BUB1B: variants seen among roughly 807,000 people sequenced by gnomAD.
BUB1B encodes BUB1 mitotic checkpoint serine/threonine kinase B, also known as mitotic checkpoint serine/threonine-protein kinase BUB1 beta.
In BUB1B, 86 loss-of-function variants were observed where a neutral mutation model predicts 137.7. The observed-to-expected ratio is 0.62, with a 90% CI of 0.52 to 0.75. The LOEUF (loss-of-function observed/expected upper bound fraction) is 0.75, where lower values mean the gene tolerates loss of function less well. Ranked by LOEUF, BUB1B falls within the 30% of genes least tolerant of loss-of-function variation. BUB1B has a pLI of 0.00. For synonymous variants in BUB1B, 420 were observed against 417.9 expected, an observed-to-expected ratio of 1.00 and a Z score of -0.06; for missense variants, 1,130 against 1,236.9, an observed-to-expected ratio of 0.91 and a Z score of 1.30.
chr15:40,211,400 C>T (rs1470011063), intron 18 of BUB1B, among the ~76,000 whole-genome samples: 1 of 152,018 alleles, frequency 6.6e-6, no homozygotes, highest in African/African-American at 2.4e-5. Flanking sequence ...AGCTGTGGAC[C>T]TCAATGTAGG....
intron 8 of BUB1B, among the ~76,000 whole-genome samples, chr15:40,187,817 A>T (rs1191075339): frequency 6.6e-6 from 1 of 151,946 alleles, no homozygotes; most frequent in Middle Eastern, 3.4e-3. Flanking sequence ...GCTAGGGATC[A>T]CTTGAGCCCA....
Position 40,200,996 on chromosome 15 carries a change from C to T in BUB1B, c.1567+16C>T. The T allele has an allele frequency of 6.2e-7, 1 of 1,610,706 alleles. No individual in the cohort carries two copies. The highest frequency in any genetic ancestry group is 8.5e-7 in the Non-Finnish European group (1 of 1,177,306). On this transcript the variant is annotated intron_variant, in intron 12 of 22. Coordinates refer to ENST00000287598, the MANE Select transcript of BUB1B (RefSeq NM_001211.6). ...CATTCTAAAGGTGAGTTGTATTTGA[C>T]AGCCTTGAGAAGAACTTGCTGATAA...
intron 18 of BUB1B, among the ~76,000 whole-genome samples, chr15:40,211,171 C>T (rs1335734951): frequency 1.3e-5 from 2 of 152,006 alleles, no homozygotes; most frequent in Non-Finnish European, 2.9e-5. Flanking sequence ...ATATTATCAG[C>T]TTAATATTTT....
rs1014155529 is a variant in BUB1B at position 40,200,289 on chromosome 15, G to A, written c.1447G>A (p.Ala483Thr). ...PTKETTKLQI[A>T]SESQKIPGMT... ...AAAGGAGACAACTAAACTGCAAATT[G>A]CTTCCGAGTCTCAGAAAATACCAGG... The change falls in exon 11 of 23, where the codon GCT becomes ACT. Residue 483 changes from alanine (A) to threonine (T), a missense_variant. Transcript: ENST00000287598. 2 of 1,613,902 alleles carry A rather than the reference G, an allele frequency of 1.2e-6. No homozygotes were observed. Among genetic ancestry groups the A allele is most frequent in the Non-Finnish European group, 1.7e-6 (2 of 1,179,884 alleles).
At chr15:40,163,594 A>G (rs1357081393) in intron 1 of BUB1B, among the ~76,000 whole-genome samples, 1 of 152,212 alleles carries the variant, frequency 6.6e-6, no homozygotes, top group African/African-American at 2.4e-5. Context: ...ACCCACCAAC[A>G]CTATGACTGC....
intron 1 of BUB1B, among the ~76,000 whole-genome samples, chr15:40,164,058 C>T (rs1042110851): frequency 6.6e-6 from 1 of 152,142 alleles, no homozygotes; most frequent in East Asian, 1.9e-4. Context: ...ACCTCCAAAA[C>T]GTTTCGGGGG....
chr15:40,206,367 C>A lies in BUB1B; in HGVS notation c.1918C>A (p.Pro640Thr). The change falls in exon 15 of 23, where the codon CCG becomes ACG. Residue 640 changes from proline (P) to threonine (T), a missense_variant. Pro to Thr is a conservative substitution (Grantham distance 38, BLOSUM62 -1). Transcript: ENST00000287598. The part of the protein sequence containing the change: ...DLPSDPERLL[P>T]EEDLDVKTSE... ...CCCTTCTGATCCTGAGAGACTGTTACCGGAAGAAGATCTAGATGTAAAGAC... is the reference window on the plus strand; with the variant it reads ...CCCTTCTGATCCTGAGAGACTGTTAACGGAAGAAGATCTAGATGTAAAGAC... 6.2e-7 allele frequency: 1 copy of A among 1,614,094 alleles called. No individual in the cohort carries two copies. The highest frequency in any genetic ancestry group is 8.5e-7 in the Non-Finnish European group (1 of 1,180,022).
At chr15:40,193,077 T>C (rs1459418463) in intron 8 of BUB1B, among the ~76,000 whole-genome samples, 1 of 152,084 alleles carries the variant, frequency 6.6e-6, no homozygotes, top group Non-Finnish European at 1.5e-5. Flanking sequence ...CTTGAACTCC[T>C]GGGATCAAGT....
chr15:40,200,473 T>C, intron 11 of BUB1B, 114 bp downstream of exon 11: 1 of 748,138 alleles, frequency 1.3e-6, no homozygotes, highest in Non-Finnish European at 2.3e-6. Context: ...GACATGGTTT[T>C]TGTAAGTCTC....
Position 40,170,670 on chromosome 15 carries a change from T to G in BUB1B, c.373T>G (p.Trp125Gly). 1 of 1,613,462 alleles carries G rather than the reference T, an allele frequency of 6.2e-7. No individual in the cohort carries two copies. Among genetic ancestry groups the G allele is most frequent in the Non-Finnish European group, 8.5e-7 (1 of 1,179,542 alleles). The change falls in exon 4 of 23, where the codon TGG (tryptophan) becomes GGG (glycine). Residue 125 changes from tryptophan (W) to glycine (G), a missense_variant. Trp to Gly is a radical substitution (Grantham distance 184). Transcript: ENST00000287598. ...TAGTGATCCTCGATTTCTCAATCTC[T>G]GGCTTAAATTAGTAAGTCTTTCTCA... ...YYSDPRFLNLWLKLGRLCNEP... is the reference protein window; with the variant it reads ...YYSDPRFLNLGLKLGRLCNEP...
intron 8 of BUB1B, among the ~76,000 whole-genome samples, chr15:40,186,316 T>G (rs1214645817): frequency 6.6e-6 from 1 of 152,202 alleles, no homozygotes; most frequent in Non-Finnish European, 1.5e-5. Flanking sequence ...GGACATATTT[T>G]TCCTCTTTCT....
At chr15:40,194,143 C>G (rs896373734) in intron 8 of BUB1B, among the ~76,000 whole-genome samples, 1 of 151,978 alleles carries the variant, frequency 6.6e-6, no homozygotes, top group African/African-American at 2.4e-5. Context: ...TTTTTACATG[C>G]TGCCTTGAGA....
At chr15:40,175,429 A>AG (rs1343698695) in intron 4 of BUB1B, among the ~76,000 whole-genome samples, 1 of 152,228 alleles carries the variant, frequency 6.6e-6, no homozygotes, top group Non-Finnish European at 1.5e-5. Context: ...ATAATGGTTA[A>AG]GTGTAAGCAG....
At chr15:40,203,242 AC>A (rs1218915705) in intron 14 of BUB1B, among the ~76,000 whole-genome samples, 3 of 152,242 alleles carry the variant, frequency 2.0e-5, no homozygotes, top group Admixed American at 6.5e-5. Context: ...AAGTACTAAT[AC>A]CTGTCACAAC....
chr15:40,161,084 C>T lies in BUB1B; in HGVS notation c.-137C>T, dbSNP rs1250950049. ...GGCTAGGGGTGTGGGCTTGAGGTGG[C>T]CGGTTTGTTAGGGAGTCGTGTACGT... On this transcript the variant is annotated 5_prime_UTR_variant, in exon 1 of 23. Coordinates refer to ENST00000287598, the MANE Select transcript of BUB1B (RefSeq NM_001211.6). The T allele has an allele frequency of 8.4e-6, 10 of 1,185,282 alleles. No homozygotes were observed. The highest frequency in any genetic ancestry group is 3.1e-5 in the African/African-American group (2 of 64,444). 73.4% of individuals were successfully genotyped at this position (1,185,282 alleles called of 1,614,324 possible). A position where few individuals can be genotyped will look rare whatever the true frequency, so the allele number is the denominator to read the frequency against.
intron 3 of BUB1B, 87 bp downstream of exon 3, chr15:40,170,208 G>A (rs2062641035): frequency 1.6e-6 from 2 of 1,241,226 alleles, no homozygotes; most frequent in Admixed American, 1.7e-5. Context: ...TATATGGAGT[G>A]TGTGTCAGAG....
At chr15:40,200,831 T>C in intron 11 of BUB1B, 100 bp from the exon 12 acceptor site, 1 of 969,790 alleles carries the variant, frequency 1.0e-6, no homozygotes, top group Non-Finnish European at 1.6e-6. Context: ...TATCTTAGAG[T>C]AAATATTATA....
At chr15:40,170,952 T>G (rs2140882026) in intron 4 of BUB1B, among the ~76,000 whole-genome samples, 1 of 152,292 alleles carries the variant, frequency 6.6e-6, no homozygotes, top group South Asian at 2.1e-4. Flanking sequence ...ATTTTATATT[T>G]TGAAACAAGG....
intron 18 of BUB1B, among the ~76,000 whole-genome samples, chr15:40,210,492 T>C (rs577686493): frequency 6.6e-6 from 1 of 152,294 alleles, no homozygotes; most frequent in Non-Finnish European, 1.5e-5. Context: ...ACCTTTGTCT[T>C]ATATTGGATA....
Sources: allele counts gnomAD v4.1 joint callset (sites outside exome capture counted in the v4.1 genomes callset), GRCh38; gene constraint gnomAD v4.1.1; transcripts MANE v1.5; gene names NCBI Gene and HGNC (gene_info 2026-07-23, HGNC 2026-07-21).